RC3H1: variants seen among roughly 807,000 people sequenced by gnomAD.
RC3H1 encodes the protein ring finger and CCCH-type domains 1.
Under a neutral mutation model 138.2 loss-of-function variants are expected in RC3H1, and 50 were observed. The ratio of observed to expected loss-of-function variants is 0.36; its 90% CI spans 0.29 to 0.46. The LOEUF is 0.46. RC3H1 is among the 20% of genes least tolerant of loss of function. The pLI is 1.00. For missense variants in RC3H1, 1,031 were observed against 1,388.1 expected (o/e 0.74, Z 4.09); for synonymous variants, 462 against 489.1 (o/e 0.94, Z 0.73).
At chr1:173,993,942 C>T (rs1168496092) in intron 1 of RC3H1, among the ~76,000 whole-genome samples, 1 of 145,176 alleles carries the variant, frequency 6.9e-6, no homozygotes, top group East Asian at 2.0e-4. Flanking sequence ...ATCGCTTAAA[C>T]CCGGGAGGCG....
At chr1:173,954,063 A>G (rs1356335877) in intron 13 of RC3H1, among the ~76,000 whole-genome samples, 3 of 152,072 alleles carry the variant, frequency 2.0e-5, no homozygotes, top group Non-Finnish European at 4.4e-5. Flanking sequence ...ATAATAATAC[A>G]GAGATCCAAC....
At chr1:174,007,441 C>T (rs1661675515) in intron 1 of RC3H1, among the ~76,000 whole-genome samples, 1 of 151,614 alleles carries the variant, frequency 6.6e-6, no homozygotes, top group South Asian at 2.1e-4. Context: ...TTCTTTTGTA[C>T]TTGGCTTCTT....
intron 1 of RC3H1, among the ~76,000 whole-genome samples, chr1:174,021,225 G>C (rs1264156770): frequency 6.6e-6 from 1 of 152,130 alleles, no homozygotes. Context: ...CGCCTAGCTG[G>C]AATAAAAGTC....
rs990091029 is a variant in RC3H1, at chr1:173,984,675, T to C, written c.232-56A>G. The C allele has an allele frequency of 7.0e-6, 11 of 1,570,032 alleles. No individual in the cohort carries two copies. In the African/African-American group the frequency reaches 9.6e-5, roughly 14 times the overall value. On this transcript the variant is annotated intron_variant, in intron 2 of 19. Coordinates refer to ENST00000367696, the MANE Select transcript of RC3H1 (RefSeq NM_172071.4). ...TGCTCAATTCATTAATTGTTTTATTTAGTATAGTTTATGCACTCATAATGC... is the reference window on the plus strand; with the variant it reads ...TGCTCAATTCATTAATTGTTTTATTCAGTATAGTTTATGCACTCATAATGC...
intron 13 of RC3H1, among the ~76,000 whole-genome samples, chr1:173,960,464 T>A (rs953423255): frequency 3.3e-5 from 5 of 152,210 alleles, no homozygotes; most frequent in Non-Finnish European, 7.3e-5. Context: ...ATTTTTGGTA[T>A]GAAATCCTTG....
Position 173,939,961 on chromosome 1 carries a change from AAGCCTCAAAAT to A in RC3H1, c.3252-1101_3252-1091del, listed in dbSNP as rs528833246. On this transcript the variant is annotated intron_variant, in intron 19 of 19. Coordinates refer to ENST00000367696, the MANE Select transcript of RC3H1 (RefSeq NM_172071.4). ...GGGCAACTTAGGACTATGCATTCAA[AAGCCTCAAAAT>A]AGCCTTAGAAAATAATTTAAGATAT... Among the ~76,000 whole-genome samples the A allele has an allele frequency of 1.0e-3, 153 of 152,334 alleles. 1 individual carries two copies. The highest frequency in any genetic ancestry group is 3.3e-3 in the African/African-American group (138 of 41,568).
In RC3H1 at chr1:173,946,460, C is replaced by T. The variant is rs772462450; in HGVS notation, c.2961+16G>A. 3.1e-6 allele frequency: 5 copies of T among 1,595,750 alleles called. No individual in the cohort carries two copies. The highest frequency in any genetic ancestry group is 4.3e-6 in the Non-Finnish European group (5 of 1,174,384). On this transcript the variant is annotated intron_variant, in intron 17 of 19. Transcript: ENST00000367696. ...CCCTTCAAAAATTGGAATAAAATGG[C>T]TCTCTAGGCTGGTACCTCTAGTCCA...
At chr1:173,967,224 G>A (rs1660159466) in intron 9 of RC3H1, among the ~76,000 whole-genome samples, 1 of 152,160 alleles carries the variant, frequency 6.6e-6, no homozygotes, top group South Asian at 2.1e-4. Context: ...GGGAGGCTGA[G>A]GTGAGAGGAT....
In RC3H1 at chr1:173,936,540, G is replaced by A. The variant is rs202090957; in HGVS notation, c.*2181C>T. 2.9e-3 allele frequency: 249 copies of A among 86,646 alleles called. No individual in the cohort carries two copies. Among genetic ancestry groups the A allele is most frequent in the East Asian group, 0.015 (39 of 2,660 alleles). 5.4% of individuals were successfully genotyped at this position (86,646 alleles called of 1,614,324 possible). ...AAAAAAAAAAAAAAAAAAAAAAAAA[G>A]AAGGTTGGAGGCCAATAATGTTGCC... On this transcript the variant is annotated 3_prime_UTR_variant, in exon 20 of 20. Transcript: ENST00000367696.
intron 1 of RC3H1, among the ~76,000 whole-genome samples, chr1:174,011,651 G>C (rs905600321): frequency 6.6e-6 from 1 of 151,916 alleles, no homozygotes; most frequent in Non-Finnish European, 1.5e-5. Context: ...TAAGCACAGA[G>C]GGACAGCTTA....
chr1:173,970,659 AC>A (rs770295937), intron 8 of RC3H1, 42 bp from the exon 9 acceptor site: 1 of 1,230,348 alleles, frequency 8.1e-7, no homozygotes, highest in South Asian at 1.3e-5. Context: ...ATAACCCCCC[AC>A]AAAAAAACAT....
intron 4 of RC3H1, 165 bp from the exon 5 acceptor site, chr1:173,983,067 G>C: frequency 1.9e-6 from 1 of 534,134 alleles, no homozygotes; most frequent in Non-Finnish European, 3.2e-6. Context: ...GAGCAATTTT[G>C]TATTACATTC....
chr1:173,957,850 T>G (rs1220009552), intron 13 of RC3H1, among the ~76,000 whole-genome samples: 1 of 152,208 alleles, frequency 6.6e-6, no homozygotes, highest in Non-Finnish European at 1.5e-5. Flanking sequence ...TGTGAGCTAA[T>G]GCACACCTGG....
chr1:173,934,093 C>T lies in RC3H1; in HGVS notation c.*4628G>A, dbSNP rs543941296. On this transcript the variant is annotated 3_prime_UTR_variant, in exon 20 of 20. Coordinates refer to ENST00000367696, the MANE Select transcript of RC3H1 (RefSeq NM_172071.4). ...ATAGATTTTACAAATAAAACCTTTA[C>T]TCAATTATTTAAAACGAGCAAAAAG... The T allele has an allele frequency of 6.6e-6, 1 of 152,236 alleles. No individual in the cohort carries two copies. Among genetic ancestry groups the T allele is most frequent in the East Asian group, 1.9e-4 (1 of 5,188 alleles). 9.4% of individuals were successfully genotyped at this position (152,236 alleles called of 1,614,324 possible).
chr1:173,964,960 A>G lies in RC3H1; in HGVS notation c.1495T>C (p.Ser499Pro). Residue 499 changes from serine (S) to proline (P), a missense_variant, in exon 10 of 20, where the codon TCA (serine) becomes CCA (proline). Coordinates refer to ENST00000367696, the MANE Select transcript of RC3H1 (RefSeq NM_172071.4). ...KPPALPNGIV[S>P]TGNTVTQLIP... ...AGCTGTGTTACTGTATTCCCTGTTG[A>G]TACAATTCCATTTGGCAGAGCAGGA... The G allele has an allele frequency of 6.2e-7, 1 of 1,614,110 alleles. No homozygotes were observed. The highest frequency in any genetic ancestry group is 8.5e-7 in the Non-Finnish European group (1 of 1,180,034).
At chr1:173,978,861 T>C (rs947507806) in intron 6 of RC3H1, among the ~76,000 whole-genome samples, 2 of 152,202 alleles carry the variant, frequency 1.3e-5, no homozygotes, top group African/African-American at 4.8e-5. Context: ...ATGTGAGACC[T>C]CTCTCAATTC....
At chr1:173,981,662 T>C (rs1660826409) in intron 5 of RC3H1, among the ~76,000 whole-genome samples, 1 of 152,218 alleles carries the variant, frequency 6.6e-6, no homozygotes, top group Non-Finnish European at 1.5e-5. Flanking sequence ...GAGCTTCAGA[T>C]GCTGGTGTAA....
intron 1 of RC3H1, among the ~76,000 whole-genome samples, chr1:174,020,774 G>A (rs985893926): frequency 1.5e-4 from 23 of 152,260 alleles, no homozygotes; most frequent in African/African-American, 5.3e-4. Context: ...TTTGGGAGGC[G>A]GAGGAGGGCA....
intron 6 of RC3H1, among the ~76,000 whole-genome samples, chr1:173,979,560 G>C (rs1660719725): frequency 6.6e-6 from 1 of 152,162 alleles, no homozygotes; most frequent in Admixed American, 6.5e-5. Flanking sequence ...GGAGGCTGAG[G>C]CAGGAGAATC....
Sources: gnomAD v4.1 joint callset for allele counts (sites outside exome capture counted in the v4.1 genomes callset) on GRCh38, gnomAD v4.1.1 for gene constraint, MANE v1.5 for transcripts, NCBI Gene and HGNC (gene_info 2026-07-23, HGNC 2026-07-21) for gene names.